The following GLI3 variants were observed in gnomAD, a reference collection of about 807,000 sequenced individuals.
GLI3 encodes the protein transcription activator GLI3.
GLI3 carries 20 observed loss-of-function variants against 100.8 expected under a neutral mutation model. That is an observed-to-expected ratio of 0.20 (90% CI 0.14 to 0.29). GLI3 has a LOEUF of 0.29. GLI3 is among the 10% of genes least tolerant of loss of function. GLI3 has a pLI of 1.00. For missense variants in GLI3, 2,040 were observed against 2,128.5 expected (o/e 0.96, Z 0.82); for synonymous variants, 938 against 860.5 (o/e 1.09, Z -1.58).
intron 2 of GLI3, chr7:42,151,817 C>T (rs967824133): frequency 7.2e-5 from 11 of 152,148 alleles, no homozygotes; most frequent in Middle Eastern, 3.4e-3. Flanking sequence ...CAAAGCATCA[C>T]GTTTTAGAAA....
chr7:42,250,088 C>G (rs1239905578), intron 1 of GLI3, among the ~76,000 whole-genome samples: 1 of 139,612 alleles, frequency 7.2e-6, no homozygotes, highest in South Asian at 2.4e-4. Context: ...GAGCAAGACT[C>G]TGTCTCAACA....
intron 10 of GLI3, among the ~76,000 whole-genome samples, chr7:42,008,401 C>T (rs937024316): frequency 2.6e-5 from 4 of 152,216 alleles, no homozygotes; most frequent in Admixed American, 2.6e-4. Context: ...TCCCTTGGCA[C>T]TTTCTGCCCA....
intron 2 of GLI3, among the ~76,000 whole-genome samples, chr7:42,156,942 A>G (rs750644635): frequency 6.6e-6 from 1 of 152,238 alleles, no homozygotes; most frequent in Non-Finnish European, 1.5e-5. Context: ...TTTTGTTTTT[A>G]GAAGATCACG....
rs1189226099 is a variant in GLI3, at chr7:41,961,763, T to A, written c.*2567A>T. The stretch of plus-strand genomic sequence containing the variant: ...AGCCTACAGAGATCCCAAAAGGATG[T>A]CCCAAAAAGATGCTTCTAAGTGACC... On this transcript the variant is annotated 3_prime_UTR_variant, in exon 15 of 15. Coordinates refer to ENST00000395925, the MANE Select transcript of GLI3 (RefSeq NM_000168.6). 6.6e-6 allele frequency: 1 copy of A among 152,044 alleles called. No individual in the cohort carries two copies. The highest frequency in any genetic ancestry group is 2.4e-5 in the African/African-American group (1 of 41,366). 9.4% of individuals were successfully genotyped at this position (152,044 alleles called of 1,614,324 possible).
At chr7:41,991,533 C>T (rs578011199) in intron 10 of GLI3, among the ~76,000 whole-genome samples, 1 of 152,306 alleles carries the variant, frequency 6.6e-6, no homozygotes, top group Admixed American at 6.5e-5. Flanking sequence ...ACTACATGTT[C>T]TATACCTAGA....
chr7:42,077,874 T>C (rs1311666896), intron 3 of GLI3, among the ~76,000 whole-genome samples: 2 of 152,226 alleles, frequency 1.3e-5, no homozygotes, highest in Non-Finnish European at 2.9e-5. Flanking sequence ...TTTGACTCCA[T>C]GTCTATGAGA....
chr7:42,055,289 T>C (rs1262814482), intron 4 of GLI3, among the ~76,000 whole-genome samples: 1 of 152,070 alleles, frequency 6.6e-6, no homozygotes, highest in Non-Finnish European at 1.5e-5. Context: ...AAACACCACG[T>C]GACCCTGAGA....
At chr7:42,018,992 ATAAAACTTT>A (rs1788853030) in intron 10 of GLI3, among the ~76,000 whole-genome samples, 1 of 152,210 alleles carries the variant, frequency 6.6e-6, no homozygotes, top group Non-Finnish European at 1.5e-5. Context: ...GGGCTGGGGA[ATAAAACTTT>A]TAAAATCATT....
intron 7 of GLI3, among the ~76,000 whole-genome samples, chr7:42,028,234 C>T (rs1205592235): frequency 1.3e-5 from 2 of 152,168 alleles, no homozygotes; most frequent in African/African-American, 4.8e-5. Flanking sequence ...GGCACACCGA[C>T]TTTGCATGTA....
intron 2 of GLI3, chr7:42,172,816 G>A (rs1376200001): frequency 1.7e-6 from 1 of 572,032 alleles, no homozygotes; most frequent in African/African-American, 1.9e-5. Context: ...CTCTCAAAGA[G>A]CCATTCACCT....
At chr7:42,112,311 C>T (rs760962277) in intron 3 of GLI3, among the ~76,000 whole-genome samples, 3 of 152,072 alleles carry the variant, frequency 2.0e-5, no homozygotes, top group Admixed American at 1.3e-4. Flanking sequence ...GTTCAGTGAC[C>T]TACTTAGCTT....
Position 42,223,154 on chromosome 7 carries a change from C to CGGCTTT in GLI3, c.94_99dup (p.Lys32_Ala33dup). 1 of 1,613,898 alleles carries CGGCTTT rather than the reference C, an allele frequency of 6.2e-7. No homozygotes were observed. The highest frequency in any genetic ancestry group is 1.7e-5 in the Admixed American group (1 of 60,014). On this transcript the variant is annotated inframe_insertion, in exon 2 of 15. Coordinates refer to ENST00000395925, the MANE Select transcript of GLI3 (RefSeq NM_000168.6). Reference sequence around the variant, plus strand: ...CCATTAGAAGTGGTGCTGGAGGCAACGGCTTTCTCGCTCACATCTGTTCGA... The same window carrying CGGCTTT: ...CCATTAGAAGTGGTGCTGGAGGCAACGGCTTTGGCTTTCTCGCTCACATCTGTTCGA...
At chr7:42,026,151 A>T in intron 8 of GLI3, 48 bp downstream of exon 8, 1 of 1,370,576 alleles carries the variant, frequency 7.3e-7, no homozygotes, top group Non-Finnish European at 1.0e-6. Context: ...GCCTGCCCCC[A>T]CCCTCGGCTG....
At chr7:42,113,337 C>A (rs1785764359) in intron 3 of GLI3, 2 of 635,610 alleles carry the variant, frequency 3.1e-6, no homozygotes, top group African/African-American at 3.6e-5. Context: ...GTGCCCAGCA[C>A]CTACGTCCCG....
intron 3 of GLI3, chr7:42,145,664 C>G (rs1171590937): frequency 2.5e-6 from 1 of 396,136 alleles, no homozygotes; most frequent in East Asian, 3.6e-5. Flanking sequence ...AATACAAGTG[C>G]AACCCTCACA....
chr7:41,988,193 G>T (rs948634191), intron 10 of GLI3, among the ~76,000 whole-genome samples: 3 of 152,152 alleles, frequency 2.0e-5, no homozygotes, highest in Admixed American at 1.3e-4. Context: ...CAGGCACGGT[G>T]GCTCACGCCT....
rs368246364 is a variant in GLI3, at chr7:42,113,315, C to A, written c.367+34911G>T. 6.5e-6 allele frequency: 4 copies of A among 616,280 alleles called. No homozygotes were observed. In the East Asian group the frequency reaches 1.4e-4, roughly 22 times the overall value. The allele number at this position is 616,280 out of a possible 1,614,324, so 38.2% of individuals were successfully genotyped here. On this transcript the variant is annotated intron_variant, in intron 3 of 14. Transcript: ENST00000395925. ...CCCCGGACCGACCAAAGCCCGCACA[C>A]CACCACATCCTGTGCCCAGCACCTA... is the stretch of plus-strand genomic sequence containing the variant.
intron 4 of GLI3, among the ~76,000 whole-genome samples, chr7:42,049,975 G>A (rs1360136887): frequency 6.6e-6 from 1 of 152,096 alleles, no homozygotes; most frequent in Non-Finnish European, 1.5e-5. Flanking sequence ...AAATGCTCAC[G>A]CACAGCCCGG....
chr7:42,246,300 C>T (rs905632244), intron 1 of GLI3, among the ~76,000 whole-genome samples: 1 of 152,150 alleles, frequency 6.6e-6, no homozygotes, highest in African/African-American at 2.4e-5. Context: ...CTGCCAGGCC[C>T]AGATATCTGC....
Sources: allele counts gnomAD v4.1 joint callset (sites outside exome capture counted in the v4.1 genomes callset), GRCh38; gene constraint gnomAD v4.1.1; transcripts MANE v1.5; gene names NCBI Gene and HGNC (gene_info 2026-07-23, HGNC 2026-07-21).